Variants in CD46 observed in about 807,000 individuals in gnomAD.
CD46 encodes the protein CD46 molecule, also known as membrane cofactor protein.
CD46 carries 30 observed loss-of-function variants against 53.3 expected under a neutral mutation model. That is an observed-to-expected ratio of 0.56 (90% CI 0.42 to 0.76). CD46 has a LOEUF of 0.76. Ranked by LOEUF, CD46 falls within the 30% of genes least tolerant of loss-of-function variation. The pLI is 0.00. For synonymous variants in CD46, 142 were observed against 152.0 expected, an observed-to-expected ratio of 0.93 and a Z score of 0.48; for missense variants, 409 against 463.0, an observed-to-expected ratio of 0.88 and a Z score of 1.07.
intron 5 of CD46, among the ~76,000 whole-genome samples, chr1:207,764,411 C>T (rs1176216683): frequency 6.6e-6 from 1 of 152,200 alleles, no homozygotes; most frequent in Non-Finnish European, 1.5e-5. Flanking sequence ...CTTGACGGCC[C>T]TGCCTCAGGA....
intron 3 of CD46, 58 bp from the exon 4 acceptor site, chr1:207,759,581 A>G: frequency 2.1e-6 from 2 of 939,224 alleles, no homozygotes; most frequent in Non-Finnish European, 3.4e-6. Flanking sequence ...TTCCTTCATT[A>G]TTATGTGTGT....
At chr1:207,758,218 A>G (rs1655787185) in intron 3 of CD46, among the ~76,000 whole-genome samples, 1 of 152,244 alleles carries the variant, frequency 6.6e-6, no homozygotes, top group Non-Finnish European at 1.5e-5. Context: ...CTAGACATTT[A>G]AGATAAATGT....
Position 207,752,966 on chromosome 1 carries a change from C to T in CD46, c.97+657C>T, listed in dbSNP as rs1210427603. Among the ~76,000 whole-genome samples the T allele has an allele frequency of 6.6e-6, 1 of 150,904 alleles. No individual in the cohort carries two copies. The highest frequency in any genetic ancestry group is 1.5e-5 in the Non-Finnish European group (1 of 67,792). ...GGCATGTTGAGTGAGAGCAGGCTCT[C>T]GGTGCCTGGGGTTAGAGAGGTGGTA... On this transcript the variant is annotated intron_variant, in intron 1 of 12. Coordinates refer to ENST00000367042, the MANE Select transcript of CD46 (RefSeq NM_172351.3). This position sits in a 1 kb window ranked among gnomAD's most constrained non-coding sequence, Gnocchi z 4.1.
intron 4 of CD46, chr1:207,760,398 T>C (rs1300572431): frequency 6.6e-6 from 1 of 152,234 alleles, no homozygotes; most frequent in Non-Finnish European, 1.5e-5. Flanking sequence ...TATATTCTTA[T>C]TAGGATCAGA....
At chr1:207,782,916 G>A (rs1658913591) in intron 8 of CD46, among the ~76,000 whole-genome samples, 1 of 151,404 alleles carries the variant, frequency 6.6e-6, no homozygotes, top group Non-Finnish European at 1.5e-5. Context: ...GCCTCCCAAA[G>A]TGCTGGGATT....
At chr1:207,760,890 C>T (rs1267212845) in intron 4 of CD46, 31 of 252,960 alleles carry the variant, frequency 1.2e-4, no homozygotes, top group African/African-American at 5.1e-4. Flanking sequence ...ACCAAGGGGA[C>T]GGTGCTAAAC....
chr1:207,778,378 GA>G lies in CD46; in HGVS notation c.944-4913del, dbSNP rs372585284. On this transcript the variant is annotated intron_variant, in intron 8 of 12. Coordinates refer to ENST00000367042, the MANE Select transcript of CD46 (RefSeq NM_172351.3). ...CTTTGTCTGTTATTATGTCCAGAGT[GA>G]TATTGCCTAGGTTGTCTTCCAGGGT... Among the ~76,000 whole-genome samples, 526 of 151,834 alleles carry G rather than the reference GA, an allele frequency of 3.5e-3. 4 individuals are homozygous for G. The highest frequency in any genetic ancestry group is 0.012 in the African/African-American group (486 of 41,542).
chr1:207,778,233 G>A (rs1658326523), intron 8 of CD46, among the ~76,000 whole-genome samples: 1 of 152,104 alleles, frequency 6.6e-6, no homozygotes, highest in Non-Finnish European at 1.5e-5. Context: ...CATTCTGTAA[G>A]TTGTCTGTTT....
chr1:207,766,788 T>C (rs1025256508), intron 5 of CD46, among the ~76,000 whole-genome samples: 3 of 152,122 alleles, frequency 2.0e-5, no homozygotes, highest in Non-Finnish European at 4.4e-5. Context: ...TAAGAAAATG[T>C]GGTTACAATA....
rs1386643700 is a variant in CD46 at position 207,753,899 on chromosome 1, G to C, written c.97+1590G>C. ...CATTCATTCAACGAATATGGGTCTT[G>C]TATGTCTGGTGCTATTACACTGGTA... On this transcript the variant is annotated intron_variant, in intron 1 of 12. Transcript: ENST00000367042. Among the ~76,000 whole-genome samples, 4 of 152,210 alleles carry C rather than the reference G, an allele frequency of 2.6e-5. No homozygotes were observed. The East Asian group carries it at 7.7e-4, about 29-fold the overall frequency.
rs1278979283 is a variant in CD46 at position 207,752,812 on chromosome 1, G to A, written c.97+503G>A. ...GTGCCCCATGTGCTGGGCTGGGCGA[G>A]CAGGGGCCTGGCCAGGTGTTGCTGG... is the stretch of plus-strand genomic sequence containing the variant. On this transcript the variant is annotated intron_variant, in intron 1 of 12. Coordinates refer to ENST00000367042, the MANE Select transcript of CD46 (RefSeq NM_172351.3). This position sits in a 1 kb window ranked among gnomAD's most constrained non-coding sequence, Gnocchi z 4.1. Among the ~76,000 whole-genome samples the A allele has an allele frequency of 2.0e-5, 3 of 152,206 alleles. No homozygotes were observed. The highest frequency in any genetic ancestry group is 4.4e-5 in the Non-Finnish European group (3 of 68,042).
intron 8 of CD46, among the ~76,000 whole-genome samples, chr1:207,780,219 C>T (rs1300222334): frequency 2.0e-5 from 3 of 151,860 alleles, no homozygotes; most frequent in Admixed American, 2.0e-4. Context: ...TACTTTTTGT[C>T]TCATGAATTT....
chr1:207,786,896 T>C (rs1057228753), intron 11 of CD46, among the ~76,000 whole-genome samples: 4 of 152,228 alleles, frequency 2.6e-5, no homozygotes, highest in Non-Finnish European at 5.9e-5. Context: ...ATCAATGGAA[T>C]ATTTTTACAA....
intron 8 of CD46, among the ~76,000 whole-genome samples, chr1:207,781,561 C>G (rs1417120196): frequency 1.3e-5 from 2 of 151,928 alleles, no homozygotes; most frequent in South Asian, 4.2e-4. Flanking sequence ...ATAGTTTTAC[C>G]TCTTATGTTT....
chr1:207,752,892 T>A lies in CD46; in HGVS notation c.97+583T>A, dbSNP rs996874554. Among the ~76,000 whole-genome samples the A allele has an allele frequency of 6.6e-6, 1 of 151,842 alleles. No homozygotes were observed. The highest frequency in any genetic ancestry group is 1.5e-5 in the Non-Finnish European group (1 of 67,968). Reference sequence around the variant, plus strand: ...CAGAGTTCACTGTGGGCAAGACAGCTCAACTGTTTGCTTTGAATGGAGTGA... The same window carrying A: ...CAGAGTTCACTGTGGGCAAGACAGCACAACTGTTTGCTTTGAATGGAGTGA... On this transcript the variant is annotated intron_variant, in intron 1 of 12. Coordinates refer to ENST00000367042, the MANE Select transcript of CD46 (RefSeq NM_172351.3). This position sits in a 1 kb window ranked among gnomAD's most constrained non-coding sequence, Gnocchi z 4.1.
chr1:207,767,544 A>T (rs1249862975), intron 6 of CD46: 2 of 1,275,940 alleles, frequency 1.6e-6, no homozygotes, highest in Admixed American at 3.4e-5. Flanking sequence ...CATAATTCAT[A>T]TAAATGAAAT....
At position 207,790,338 on chromosome 1, in the gene CD46, A is replaced by G. The variant is rs745439899; in HGVS notation, c.*34A>G. 6.7e-7 allele frequency: 1 copy of G among 1,496,562 alleles called. No homozygotes were observed. Among genetic ancestry groups the G allele is most frequent in the Non-Finnish European group, 9.3e-7 (1 of 1,073,700 alleles). The allele number at this position is 1,496,562 out of a possible 1,614,324, so 92.7% of individuals were successfully genotyped here. ...GATGAGAGAAAGGTTTGCTTTTATC[A>G]TTAAAAGGTATCTGTTTTCTGTTGT... On this transcript the variant is annotated 3_prime_UTR_variant, in exon 12 of 13. Coordinates refer to ENST00000367042, the MANE Select transcript of CD46 (RefSeq NM_172351.3).
At position 207,752,298 on chromosome 1, in the gene CD46, ACTC is replaced by A. The variant is rs1558038658; in HGVS notation, c.89_91del (p.Ser30del). ...CTGGCGGCCATGGTGTTGCTGCTGT[ACTC>A]CTTCTCCGGTAGGACCCCGGGGCGG... On this transcript the variant is annotated inframe_deletion, in exon 1 of 13. Transcript: ENST00000367042. This position sits in a 1 kb window ranked among gnomAD's most constrained non-coding sequence, Gnocchi z 4.1. The A allele has an allele frequency of 1.2e-6, 2 of 1,613,250 alleles. No individual in the cohort carries two copies. The highest frequency in any genetic ancestry group is 1.7e-5 in the Admixed American group (1 of 59,966).
At chr1:207,777,937 C>T (rs1658294599) in intron 8 of CD46, among the ~76,000 whole-genome samples, 1 of 152,166 alleles carries the variant, frequency 6.6e-6, no homozygotes, top group Non-Finnish European at 1.5e-5. Flanking sequence ...TCTCTACAAC[C>T]TCACCAGCAT....
Sources: allele counts gnomAD v4.1 joint callset (sites outside exome capture counted in the v4.1 genomes callset), GRCh38; gene constraint gnomAD v4.1.1; non-coding constraint Gnocchi (gnomAD v3.1); transcripts MANE v1.5; gene names NCBI Gene and HGNC (gene_info 2026-07-23, HGNC 2026-07-21).